AKAP6: variants seen among roughly 807,000 people sequenced by gnomAD.
AKAP6 encodes A-kinase anchoring protein 6.
A neutral mutation model predicts 188.5 loss-of-function variants in AKAP6; 58 were observed. The observed-to-expected ratio is 0.31, with a 90% CI of 0.25 to 0.38. AKAP6 has a LOEUF of 0.38. Among genes scored for constraint, AKAP6 ranks in the 10% least tolerant of loss-of-function variants. The pLI is 1.00. For missense variants in AKAP6, 2,710 were observed against 2,740.0 expected (o/e 0.99, Z 0.24); for synonymous variants, 989 against 998.6 (o/e 0.99, Z 0.18).
chr14:32,405,047 G>A (rs1047744886), intron 1 of AKAP6, among the ~76,000 whole-genome samples: 1 of 151,794 alleles, frequency 6.6e-6, no homozygotes, highest in African/African-American at 2.4e-5. Context: ...GCAAACTAGA[G>A]CAAGCCTGCA....
chr14:32,520,489 G>A (rs1437947791), intron 2 of AKAP6, among the ~76,000 whole-genome samples: 2 of 151,800 alleles, frequency 1.3e-5, no homozygotes, highest in Non-Finnish European at 2.9e-5. Flanking sequence ...AATCGAATAG[G>A]CACAATAAAA....
At chr14:32,486,152 T>C (rs1189889698) in intron 2 of AKAP6, among the ~76,000 whole-genome samples, 2 of 152,198 alleles carry the variant, frequency 1.3e-5, no homozygotes, top group Admixed American at 6.5e-5. Context: ...TTCTGAGGCC[T>C]CTGCTCTGTT....
chr14:32,728,185 T>G (rs993770666), intron 9 of AKAP6, among the ~76,000 whole-genome samples: 1 of 136,316 alleles, frequency 7.3e-6, no homozygotes, highest in African/African-American at 2.7e-5. Context: ...GAGTTGTAAA[T>G]AGACACATCC....
chr14:32,798,937 T>C (rs1436399634), intron 12 of AKAP6, among the ~76,000 whole-genome samples: 1 of 152,208 alleles, frequency 6.6e-6, no homozygotes, highest in Non-Finnish European at 1.5e-5. Flanking sequence ...TGAATTAATA[T>C]GTAAAAACTG....
At chr14:32,582,321 C>T (rs1317352185) in intron 5 of AKAP6, among the ~76,000 whole-genome samples, 2 of 152,050 alleles carry the variant, frequency 1.3e-5, no homozygotes, top group African/African-American at 2.4e-5. Flanking sequence ...TGAATATTGG[C>T]CCCCACTCTC....
intron 12 of AKAP6, among the ~76,000 whole-genome samples, chr14:32,780,514 A>G (rs943902983): frequency 6.6e-6 from 1 of 152,202 alleles, no homozygotes; most frequent in African/African-American, 2.4e-5. Flanking sequence ...ATGTATCAAA[A>G]CATCATGTCG....
chr14:32,826,776 A>G (rs534129351), intron 13 of AKAP6, among the ~76,000 whole-genome samples: 23 of 152,190 alleles, frequency 1.5e-4, no homozygotes, highest in Non-Finnish European at 1.0e-4. Context: ...GGATCTGTGT[A>G]ACCCTCACAT....
chr14:32,730,570 T>A (rs903381560), intron 9 of AKAP6, among the ~76,000 whole-genome samples: 4 of 152,054 alleles, frequency 2.6e-5, no homozygotes, highest in Admixed American at 6.6e-5. Context: ...GAGGGGGGGA[T>A]GAGCTTGTCA....
chr14:32,465,673 C>A (rs1210822432), intron 2 of AKAP6, among the ~76,000 whole-genome samples: 2 of 152,120 alleles, frequency 1.3e-5, no homozygotes, highest in Non-Finnish European at 2.9e-5. Flanking sequence ...TAGGCTTGGG[C>A]AAAGACTTCA....
At chr14:32,453,751 T>G (rs966329963) in intron 2 of AKAP6, among the ~76,000 whole-genome samples, 2 of 150,620 alleles carry the variant, frequency 1.3e-5, no homozygotes, top group Non-Finnish European at 3.0e-5. Flanking sequence ...CGCCCGCCAC[T>G]GCGCCCGGCT....
chr14:32,577,130 A>G lies in AKAP6; in HGVS notation c.2357A>G (p.Asn786Ser), dbSNP rs772966122. Residue 786 changes from asparagine to serine, a missense_variant, in exon 5 of 14, where the codon AAC becomes AGC. Physicochemically the swap from Asn to Ser is conservative, Grantham distance 46. Transcript: ENST00000280979. ...CTTTCCTTTCACAAGGGGTTTGTAA[A>G]CAAACTGGATGAATTCATTCAATGG... ...AIWEKIEGFV[N>S]KLDEFIQWLN... 1.9e-6 allele frequency: 3 copies of G among 1,608,884 alleles called. No individual in the cohort carries two copies. The highest frequency in any genetic ancestry group is 2.5e-6 in the Non-Finnish European group (3 of 1,178,466).
intron 8 of AKAP6, among the ~76,000 whole-genome samples, chr14:32,687,611 A>G (rs1478591119): frequency 5.9e-5 from 9 of 152,108 alleles, no homozygotes; most frequent in Non-Finnish European, 1.5e-5. Flanking sequence ...GCCAATGTTG[A>G]TAACAGTCTC....
chr14:32,581,695 A>G (rs969960394), intron 5 of AKAP6, among the ~76,000 whole-genome samples: 35 of 152,162 alleles, frequency 2.3e-4, no homozygotes, highest in Non-Finnish European at 4.0e-4. Context: ...GGGTGCATAT[A>G]TATTTAGGAC....
chr14:32,626,528 C>T (rs1187773482), intron 7 of AKAP6, among the ~76,000 whole-genome samples: 1 of 152,082 alleles, frequency 6.6e-6, no homozygotes, highest in African/African-American at 2.4e-5. Flanking sequence ...CTTCTCCAGG[C>T]TCATTGGCCC....
intron 1 of AKAP6, among the ~76,000 whole-genome samples, chr14:32,425,268 G>A (rs1889991993): frequency 1.3e-5 from 2 of 152,028 alleles, no homozygotes; most frequent in Admixed American, 6.6e-5. Flanking sequence ...TTTTTCATAT[G>A]ATTGTTGGCC....
intron 2 of AKAP6, among the ~76,000 whole-genome samples, chr14:32,502,734 A>G (rs902286722): frequency 6.6e-6 from 1 of 151,994 alleles, no homozygotes; most frequent in African/African-American, 2.4e-5. Flanking sequence ...TGCTTTTTAA[A>G]CTTTATACAC....
chr14:32,776,612 A>C (rs1198842598), intron 12 of AKAP6, among the ~76,000 whole-genome samples: 2 of 152,262 alleles, frequency 1.3e-5, no homozygotes, highest in African/African-American at 4.8e-5. Context: ...TATTTGCTGA[A>C]TGAATGAGTA....
At chr14:32,579,005 T>C (rs1884851657) in intron 5 of AKAP6, among the ~76,000 whole-genome samples, 1 of 152,188 alleles carries the variant, frequency 6.6e-6, no homozygotes, top group Non-Finnish European at 1.5e-5. Context: ...CCCTCTCCTA[T>C]GTGGGGGCCA....
chr14:32,547,142 C>T, intron 4 of AKAP6, 143 bp downstream of exon 4: 1 of 862,148 alleles, frequency 1.2e-6, no homozygotes, highest in African/African-American at 1.7e-5. Context: ...AAAGAAAAAG[C>T]ACAATGATCA....
Sources: gnomAD v4.1 joint callset for allele counts (sites outside exome capture counted in the v4.1 genomes callset) on GRCh38, gnomAD v4.1.1 for gene constraint, MANE v1.5 for transcripts, NCBI Gene and HGNC (gene_info 2026-07-23, HGNC 2026-07-21) for gene names.